RIMS2: variants seen among roughly 807,000 people sequenced by gnomAD.
RIMS2 encodes regulating synaptic membrane exocytosis protein 2.
Under a neutral mutation model 174.4 loss-of-function variants are expected in RIMS2, and 59 were observed. That is an observed-to-expected ratio of 0.34 (90% confidence interval 0.27 to 0.42). RIMS2 has a LOEUF of 0.42. Among genes scored for constraint, RIMS2 ranks in the 10% least tolerant of loss-of-function variants. The pLI, the probability that RIMS2 is intolerant of heterozygous loss-of-function variation, is 1.00. For synonymous variants in RIMS2, 606 were observed against 572.5 expected (o/e 1.06, Z -0.84); for missense variants, 1,620 against 1,666.3 (o/e 0.97, Z 0.48).
chr8:103,748,583 G>A (rs112315262), intron 2 of RIMS2, among the ~76,000 whole-genome samples: 8 of 152,034 alleles, frequency 5.3e-5, no homozygotes, highest in African/African-American at 1.9e-4. Flanking sequence ...AGGTCGTTCT[G>A]GTGATTTCCA....
intron 1 of RIMS2, among the ~76,000 whole-genome samples, chr8:103,519,159 A>G (rs11776639): frequency 0.38 from 57,191 of 151,832 alleles, 11,116 homozygotes; most frequent in African/African-American, 0.4. Context: ...AGATATGTAT[A>G]GAATAAACAA....
chr8:103,767,517 A>G (rs1379871720), intron 3 of RIMS2, among the ~76,000 whole-genome samples: 1 of 152,190 alleles, frequency 6.6e-6, no homozygotes, highest in Admixed American at 6.5e-5. Flanking sequence ...CTGTTTGAAT[A>G]AAGATAAATT....
At chr8:103,845,625 T>G (rs1385987552) in intron 3 of RIMS2, among the ~76,000 whole-genome samples, 1 of 152,046 alleles carries the variant, frequency 6.6e-6, no homozygotes, top group Non-Finnish European at 1.5e-5. Flanking sequence ...TACTTAAAAT[T>G]AAGTAATTTT....
intron 1 of RIMS2, among the ~76,000 whole-genome samples, chr8:103,619,251 T>A (rs966477507): frequency 3.4e-5 from 5 of 147,726 alleles, no homozygotes; most frequent in Admixed American, 3.3e-4. Flanking sequence ...TTAGTGTCTG[T>A]TCTGTAAAAA....
At chr8:103,624,354 C>T (rs2095722404) in intron 1 of RIMS2, among the ~76,000 whole-genome samples, 1 of 152,206 alleles carries the variant, frequency 6.6e-6, no homozygotes, top group South Asian at 2.1e-4. Flanking sequence ...TAGGACATCT[C>T]ATCTTCTCAG....
intron 12 of RIMS2, among the ~76,000 whole-genome samples, chr8:103,932,656 T>C (rs778996906): frequency 1.3e-5 from 2 of 152,224 alleles, no homozygotes; most frequent in Non-Finnish European, 2.9e-5. Flanking sequence ...AAACATATTT[T>C]TAAGACGATT....
intron 1 of RIMS2, among the ~76,000 whole-genome samples, chr8:103,681,944 A>T (rs549338476): frequency 6.6e-6 from 1 of 152,206 alleles, no homozygotes; most frequent in South Asian, 2.1e-4. Flanking sequence ...TTCAAAGCAC[A>T]TGTAGGATGT....
At chr8:104,070,663 A>T (rs2154561581) in intron 19 of RIMS2, among the ~76,000 whole-genome samples, 1 of 152,286 alleles carries the variant, frequency 6.6e-6, no homozygotes, top group African/African-American at 2.4e-5. Flanking sequence ...TAAAGTCCTG[A>T]TAAAATAAGA....
intron 19 of RIMS2, among the ~76,000 whole-genome samples, chr8:104,036,185 C>T (rs1050174130): frequency 7.2e-5 from 11 of 151,930 alleles, no homozygotes; most frequent in Admixed American, 1.3e-4. Flanking sequence ...GGGTCTCTCT[C>T]TGTCACCCAG....
intron 1 of RIMS2, among the ~76,000 whole-genome samples, chr8:103,599,841 A>T (rs1371693946): frequency 6.6e-6 from 1 of 152,194 alleles, no homozygotes; most frequent in Admixed American, 6.5e-5. Flanking sequence ...TAGTAATCAC[A>T]TCATGGAAAA....
At chr8:103,929,686 T>C (rs542154669) in intron 11 of RIMS2, among the ~76,000 whole-genome samples, 1 of 152,070 alleles carries the variant, frequency 6.6e-6, no homozygotes, top group Non-Finnish European at 1.5e-5. Context: ...CTATAACACC[T>C]CTTTGATCTC....
intron 19 of RIMS2, among the ~76,000 whole-genome samples, chr8:104,213,603 G>A (rs2099115318): frequency 6.6e-6 from 1 of 152,190 alleles, no homozygotes; most frequent in Non-Finnish European, 1.5e-5. Flanking sequence ...TGGGCCGGGT[G>A]CAGTGGCTGA....
exon 7 of RIMS2, chr8:103,915,498 G>T (rs2076483907): frequency 2.5e-6 from 4 of 1,584,654 alleles, no homozygotes; most frequent in Non-Finnish European, 3.5e-6. Context: ...TAAACAGGTT[G>T]TAGGAGGAAA....
At chr8:103,910,445 A>C in intron 5 of RIMS2, 1 of 1,597,554 alleles carries the variant, frequency 6.3e-7, no homozygotes, top group South Asian at 1.1e-5. Flanking sequence ...AGGATTTGGA[A>C]TGGTCTGAAC....
chr8:103,871,146 T>G lies in RIMS2; in HGVS notation c.699-14152T>G, dbSNP rs551452183. Among the ~76,000 whole-genome samples, 4 of 152,272 alleles carry G rather than the reference T, an allele frequency of 2.6e-5. No homozygotes were observed. The South Asian group carries it at 8.3e-4, about 32-fold the overall frequency. Reference sequence around the variant, plus strand: ...TAAAAGGGCCAGGCGCAGTGGCTCATGCCTATAATCCCAGCACTTTGGGAG... The same window carrying G: ...TAAAAGGGCCAGGCGCAGTGGCTCAGGCCTATAATCCCAGCACTTTGGGAG... On this transcript the variant is annotated intron_variant, in intron 3 of 23. Coordinates refer to ENST00000504942, the Ensembl canonical transcript of RIMS2.
At chr8:103,627,995 A>AC (rs2095827341) in intron 1 of RIMS2, among the ~76,000 whole-genome samples, 1 of 152,208 alleles carries the variant, frequency 6.6e-6, no homozygotes, top group Admixed American at 6.5e-5. Flanking sequence ...CTCCAGAGTT[A>AC]CTGAACAACT....
intron 2 of RIMS2, among the ~76,000 whole-genome samples, chr8:103,725,182 CTCT>C (rs993115603): frequency 3.9e-5 from 6 of 152,156 alleles, no homozygotes; most frequent in Non-Finnish European, 8.8e-5. Flanking sequence ...CCTCACATTA[CTCT>C]TCTTTACAAA....
chr8:103,695,726 T>C (rs866097281), intron 1 of RIMS2, among the ~76,000 whole-genome samples: 76 of 149,684 alleles, frequency 5.1e-4, no homozygotes, highest in Non-Finnish European at 9.3e-4. Flanking sequence ...GGGTTGACAG[T>C]TTTTTTTTGT....
At chr8:104,105,082 T>C (rs939673854) in intron 19 of RIMS2, among the ~76,000 whole-genome samples, 5 of 152,100 alleles carry the variant, frequency 3.3e-5, no homozygotes, top group Non-Finnish European at 7.4e-5. Context: ...GCTATTTAAA[T>C]CCTTTAGGAT....
Sources: allele counts gnomAD v4.1 joint callset (sites outside exome capture counted in the v4.1 genomes callset), GRCh38; gene constraint gnomAD v4.1.1; transcripts MANE v1.5; gene names NCBI Gene and HGNC (gene_info 2026-07-23, HGNC 2026-07-21).